The following HNRNPF variants were observed in gnomAD, a reference collection of about 807,000 sequenced individuals.
The protein encoded by HNRNPF is HnRNP F protein.
Under a neutral mutation model 26.0 loss-of-function variants are expected in HNRNPF, and 2 were observed. The observed-to-expected ratio is 0.08, with a 90% CI of 0.03 to 0.24. The LOEUF is 0.24. HNRNPF is among the 10% of genes least tolerant of loss of function. The probability of loss-of-function intolerance (pLI) is 1.00; values close to 1 mark genes in which losing one functional copy is unlikely to be tolerated. For synonymous variants in HNRNPF, 234 were observed against 211.5 expected (o/e 1.11, Z -0.92); for missense variants, 299 against 539.2 (o/e 0.55, Z 4.41).
At chr10:43,402,248 G>A (rs1838775395) in intron 1 of HNRNPF, among the ~76,000 whole-genome samples, 1 of 152,214 alleles carries the variant, frequency 6.6e-6, no homozygotes, top group African/African-American at 2.4e-5. Context: ...GAAGATAAGA[G>A]ATTTGGAGGA....
At position 43,387,240 on chromosome 10, in the gene HNRNPF, A is replaced by AAAGTCG. The variant is rs773304086; in HGVS notation, c.644_645insCGACTT (p.Thr215_Ala216insAspPhe). On this transcript the variant is annotated inframe_insertion, in exon 4 of 4. Coordinates refer to ENST00000682386, the MANE Select transcript of HNRNPF (RefSeq NM_001098204.2). This position sits in a 1 kb window ranked among gnomAD's most constrained non-coding sequence, Gnocchi z 6.0. ...TCACGATGCCAATGTACCTCCTGGC[A>AAAGTCG]GTCCCGGGCCGGTCATAGGGCCCTG... 1 of 1,614,194 alleles carries AAAGTCG rather than the reference A, an allele frequency of 6.2e-7. No individual in the cohort carries two copies. The highest frequency in any genetic ancestry group is 1.3e-5 in the African/African-American group (1 of 75,070).
intron 1 of HNRNPF, among the ~76,000 whole-genome samples, chr10:43,399,453 G>A (rs768765516): frequency 6.6e-6 from 1 of 152,180 alleles, no homozygotes; most frequent in Non-Finnish European, 1.5e-5. Context: ...GTGTGCAGAA[G>A]ACTTGAGCCA....
intron 3 of HNRNPF, among the ~76,000 whole-genome samples, chr10:43,390,860 G>A (rs1194727046): frequency 9.2e-5 from 14 of 152,096 alleles, no homozygotes; most frequent in Admixed American, 9.2e-4. Context: ...GGCAGGCCCA[G>A]GCACTGTAGG....
In HNRNPF at chr10:43,386,494, T is replaced by C. The variant is rs1433135732; in HGVS notation, c.*143A>G. 3.9e-6 allele frequency: 3 copies of C among 761,006 alleles called. No homozygotes were observed. The highest frequency in any genetic ancestry group is 6.1e-6 in the Non-Finnish European group (3 of 490,444). 47.1% of individuals were successfully genotyped at this position (761,006 alleles called of 1,614,324 possible). A position where few individuals can be genotyped will look rare whatever the true frequency, so the allele number is the denominator to read the frequency against. On this transcript the variant is annotated 3_prime_UTR_variant, in exon 4 of 4. Coordinates refer to ENST00000682386, the MANE Select transcript of HNRNPF (RefSeq NM_001098204.2). ...AAGAAAATTTTGCATGAGAAAACAC[T>C]GAAGAGGTAATTTTTTAATCCAGAT...
intron 1 of HNRNPF, among the ~76,000 whole-genome samples, chr10:43,403,231 T>TG (rs1838807662): frequency 6.6e-6 from 1 of 152,176 alleles, no homozygotes; most frequent in African/African-American, 2.4e-5. Context: ...TTGGCCAGGC[T>TG]GGTCTTGGAC....
chr10:43,388,550 A>C (rs1445509205), intron 3 of HNRNPF, among the ~76,000 whole-genome samples: 1 of 152,254 alleles, frequency 6.6e-6, no homozygotes, highest in Non-Finnish European at 1.5e-5. Flanking sequence ...TATGAGGCCA[A>C]ACTGATGACA....
At chr10:43,393,344 C>T (rs923949889) in intron 3 of HNRNPF, among the ~76,000 whole-genome samples, 32 of 152,138 alleles carry the variant, frequency 2.1e-4, no homozygotes, top group Admixed American at 2.0e-3. Flanking sequence ...GCCTGTAATC[C>T]TAGCACTTTG....
intron 3 of HNRNPF, among the ~76,000 whole-genome samples, chr10:43,390,512 C>T (rs1040883056): frequency 3.9e-5 from 6 of 152,208 alleles, no homozygotes; most frequent in Non-Finnish European, 8.8e-5. Flanking sequence ...TCACATCCTA[C>T]TCCCTCCACC....
chr10:43,405,658 G>GA (rs369988672), intron 1 of HNRNPF, among the ~76,000 whole-genome samples: 19,234 of 144,540 alleles, frequency 0.13, 2,615 homozygotes, highest in African/African-American at 0.35. Flanking sequence ...TTCCGTCTCG[G>GA]AAAAAAAAAA....
intron 1 of HNRNPF, among the ~76,000 whole-genome samples, chr10:43,404,019 G>A (rs1259277081): frequency 1.3e-5 from 2 of 149,994 alleles, no homozygotes; most frequent in South Asian, 2.1e-4. Flanking sequence ...AGGGCTGGGC[G>A]TGGTGGGTGA....
intron 1 of HNRNPF, chr10:43,407,862 T>G (rs958200874): frequency 6.6e-6 from 1 of 152,186 alleles, no homozygotes; most frequent in African/African-American, 2.4e-5. Context: ...AAGGAAGTCT[T>G]GTGCAACTCT....
intron 1 of HNRNPF, among the ~76,000 whole-genome samples, chr10:43,407,204 C>A (rs1838948177): frequency 1.3e-5 from 2 of 151,248 alleles, no homozygotes; most frequent in Non-Finnish European, 3.0e-5. Flanking sequence ...CGGCGCAGGG[C>A]CCGCCCCGCG....
intron 1 of HNRNPF, among the ~76,000 whole-genome samples, chr10:43,404,400 A>T (rs1838848552): frequency 6.6e-6 from 1 of 152,198 alleles, no homozygotes; most frequent in Non-Finnish European, 1.5e-5. Context: ...CGATTATTAA[A>T]ATATCACTAA....
chr10:43,391,208 G>A (rs1459418343), intron 3 of HNRNPF, among the ~76,000 whole-genome samples: 1 of 151,470 alleles, frequency 6.6e-6, no homozygotes, highest in Non-Finnish European at 1.5e-5. Flanking sequence ...CAGGAGCATC[G>A]CTTGAACCTG....
chr10:43,387,691 T>C lies in HNRNPF; in HGVS notation c.194A>G (p.Asp65Gly). The C allele has an allele frequency of 6.2e-7, 1 of 1,614,130 alleles. No homozygotes were observed. The highest frequency in any genetic ancestry group is 8.5e-7 in the Non-Finnish European group (1 of 1,180,038). ...GEAFVELGSE[D>G]DVKMALKKDR... ...TTTTTTCAGGGCCATTTTTACATCA[T>C]CTTCTGATCCAAGTTCAACAAAAGC... Residue 65 changes from aspartate to glycine, a missense_variant, in exon 4 of 4, where the codon GAT becomes GGT. Asp to Gly is a moderately conservative substitution (Grantham distance 94, BLOSUM62 -1). This residue lies in a region of HNRNPF where 104 missense variants were observed against 239.0 expected (regional missense o/e 0.44). Transcript: ENST00000682386. The surrounding 1 kb of genome is among the most constrained non-coding windows in gnomAD (Gnocchi z 6.0).
chr10:43,391,371 TC>T (rs1838239896), intron 3 of HNRNPF, among the ~76,000 whole-genome samples: 2 of 150,392 alleles, frequency 1.3e-5, no homozygotes, highest in Non-Finnish European at 2.9e-5. Context: ...GGCAAGAGAA[TC>T]ACCTGAACCC....
Position 43,391,478 on chromosome 10 carries a change from G to GA in HNRNPF, c.-53+3151dup, listed in dbSNP as rs146643423. Among the ~76,000 whole-genome samples the GA allele has an allele frequency of 1.4e-3, 205 of 147,412 alleles. 1 individual carries two copies. The highest frequency in any genetic ancestry group is 3.5e-3 in the Middle Eastern group (1 of 286). ...CTCCAAAAAAAAACCCACCACACAA[G>GA]AAAAAAAAAAGAAAATCAGAGTGAA... is the stretch of plus-strand genomic sequence containing the variant. On this transcript the variant is annotated intron_variant, in intron 3 of 3. Coordinates refer to ENST00000682386, the MANE Select transcript of HNRNPF (RefSeq NM_001098204.2).
intron 1 of HNRNPF, chr10:43,407,844 C>T (rs1032522116): frequency 1.3e-5 from 2 of 152,226 alleles, no homozygotes; most frequent in African/African-American, 4.8e-5. Context: ...GCGGAGCCAA[C>T]TCCCCACAAG....
rs1455640938 is a variant in HNRNPF, at chr10:43,404,942, T to C, written c.-247+4189A>G. Among the ~76,000 whole-genome samples, 3 of 152,080 alleles carry C rather than the reference T, an allele frequency of 2.0e-5. No individual in the cohort carries two copies. In the East Asian group the frequency reaches 5.8e-4, roughly 29 times the overall value. On this transcript the variant is annotated intron_variant, in intron 1 of 3. Coordinates refer to ENST00000682386, the MANE Select transcript of HNRNPF (RefSeq NM_001098204.2). ...GAAAAACAATCAGAAAAATGCGAAG[T>C]GTGGGGAAGGAATGCTGCAAGACAG...
Sources: gnomAD v4.1 joint callset for allele counts (sites outside exome capture counted in the v4.1 genomes callset) on GRCh38, gnomAD v4.1.1 for gene constraint, gnomAD v4.1.1 regional missense constraint, Gnocchi (gnomAD v3.1) non-coding constraint, MANE v1.5 for transcripts, NCBI Gene and HGNC (gene_info 2026-07-23, HGNC 2026-07-21) for gene names.